The following DNAH7 variants were observed in gnomAD, a reference collection of about 807,000 sequenced individuals.
DNAH7 encodes axonemal beta dynein heavy chain 7.
Under a neutral mutation model 444.6 loss-of-function variants are expected in DNAH7, and 397 were observed. The observed-to-expected ratio is 0.89, with a 90% confidence interval of 0.82 to 0.97. The LOEUF is 0.97. Among genes scored for constraint, DNAH7 ranks in the 50% least tolerant of loss-of-function variants. The pLI, the probability that DNAH7 is intolerant of heterozygous loss-of-function variation, is 0.00. For synonymous variants in DNAH7, 1,636 were observed against 1,624.4 expected, an observed-to-expected ratio of 1.01 and a Z score of -0.17; for missense variants, 4,902 against 4,800.8, an observed-to-expected ratio of 1.02 and a Z score of -0.62.
intron 2 of DNAH7, among the ~76,000 whole-genome samples, chr2:196,055,714 C>T (rs1022400615): frequency 6.6e-6 from 1 of 152,184 alleles, no homozygotes; most frequent in Non-Finnish European, 1.5e-5. Context: ...GATGTCTAGT[C>T]CAAGTGCCCT....
chr2:195,867,848 G>C (rs1243558067), intron 40 of DNAH7, among the ~76,000 whole-genome samples: 1 of 152,040 alleles, frequency 6.6e-6, no homozygotes, highest in East Asian at 1.9e-4. Flanking sequence ...TATTTGGGTT[G>C]TTTCTACTTT....
chr2:196,028,734 CTG>C (rs1228296458), intron 5 of DNAH7, among the ~76,000 whole-genome samples: 3 of 152,154 alleles, frequency 2.0e-5, no homozygotes, highest in East Asian at 1.9e-4. Flanking sequence ...TTATAATTGA[CTG>C]TATCATTCTC....
intron 21 of DNAH7, among the ~76,000 whole-genome samples, chr2:195,930,837 T>A (rs1451412226): frequency 6.6e-6 from 1 of 152,144 alleles, no homozygotes; most frequent in Non-Finnish European, 1.5e-5. Context: ...TATAATACTA[T>A]GCAGCCACAA....
In DNAH7 at chr2:195,845,003, T is replaced by C. The variant is rs764664469; in HGVS notation, c.8944A>G (p.Met2982Val). The C allele has an allele frequency of 6.2e-6, 10 of 1,611,814 alleles. No homozygotes were observed. Among genetic ancestry groups the C allele is most frequent in the Admixed American group, 3.3e-5 (2 of 59,740 alleles). Residue 2982 changes from methionine to valine, a missense_variant and splice_region_variant, in exon 47 of 65, where the codon ATG becomes GTG. Physicochemically the swap from Met to Val is conservative, Grantham distance 21. Transcript: ENST00000312428. ...SFSIDNGIIIMNARRWPLMID... is the reference protein window; with the variant it reads ...SFSIDNGIIIVNARRWPLMID... ...TTGTGAGAAAAATATTTTTCTTACA[T>C]TATGATTATCCCATTATCAATGGAA...
rs1286420439 is a variant in DNAH7, at chr2:195,864,934, T to C, written c.6721A>G (p.Met2241Val). Residue 2241 changes from methionine to valine, a missense_variant, in exon 41 of 65, where the codon ATG becomes GTG. Coordinates refer to ENST00000312428, the MANE Select transcript of DNAH7 (RefSeq NM_018897.3). The stretch of plus-strand genomic sequence containing the variant: ...AAAAGCTCATGAAAATCTTCATACA[T>C]GTAGTTTCTCAAAATTTCTTGAATG... ...NYIQEILRNY[M>V]YEDFHELFQR... 3.7e-6 allele frequency: 6 copies of C among 1,611,676 alleles called. No individual in the cohort carries two copies. The highest frequency in any genetic ancestry group is 4.2e-6 in the Non-Finnish European group (5 of 1,179,992).
rs1444417615 is a variant in DNAH7 at position 195,864,615 on chromosome 2, C to T, written c.7040G>A (p.Arg2347Lys). ...GGCAGCTAATCTGGTGACAGACTGC[C>T]TTCCACTCCCTCCAACCCCTACTAG... ...ALLVGVGGSGRQSVTRLAAHM... is the reference protein window; with the variant it reads ...ALLVGVGGSGKQSVTRLAAHM... The change falls in exon 41 of 65, where the codon AGG becomes AAG. Residue 2347 changes from arginine (R) to lysine (K), a missense_variant. Transcript: ENST00000312428. The T allele has an allele frequency of 3.1e-6, 5 of 1,614,068 alleles. No individual in the cohort carries two copies. The highest frequency in any genetic ancestry group is 4.2e-6 in the Non-Finnish European group (5 of 1,180,054).
At chr2:196,019,713 A>G (rs1449031583) in intron 8 of DNAH7, among the ~76,000 whole-genome samples, 2 of 152,164 alleles carry the variant, frequency 1.3e-5, no homozygotes, top group East Asian at 3.8e-4. Flanking sequence ...TTTTTAAAAC[A>G]TTTTAAGGAT....
intron 55 of DNAH7, among the ~76,000 whole-genome samples, chr2:195,798,250 A>G (rs543197050): frequency 6.6e-6 from 1 of 152,294 alleles, no homozygotes; most frequent in African/African-American, 2.4e-5. Flanking sequence ...TATAATAGAG[A>G]TACCACCATC....
Position 195,817,241 on chromosome 2 carries a change from C to T in DNAH7, c.9426-278G>A, listed in dbSNP as rs567472630. Reference sequence around the variant, plus strand: ...TACTCTGCCATCAAGGATCTCAGCTCAGAGTGAATAGAAAGTAGCACTCCA... The same window carrying T: ...TACTCTGCCATCAAGGATCTCAGCTTAGAGTGAATAGAAAGTAGCACTCCA... On this transcript the variant is annotated intron_variant, in intron 50 of 64. Coordinates refer to ENST00000312428, the MANE Select transcript of DNAH7 (RefSeq NM_018897.3). Among the ~76,000 whole-genome samples, 32 of 152,276 alleles carry T rather than the reference C, an allele frequency of 2.1e-4. No individual in the cohort carries two copies. The South Asian group carries it at 5.0e-3, about 24-fold the overall frequency.
intron 3 of DNAH7, 110 bp from the exon 4 acceptor site, chr2:196,048,514 C>T: frequency 1.2e-6 from 1 of 840,596 alleles, no homozygotes. Context: ...CAGATCAGAA[C>T]ATCTGGATAG....
chr2:195,812,105 C>A (rs1235694327), intron 51 of DNAH7, among the ~76,000 whole-genome samples: 2 of 152,152 alleles, frequency 1.3e-5, no homozygotes, highest in African/African-American at 4.8e-5. Flanking sequence ...CTCTGGCAGT[C>A]CCCACCCAGA....
chr2:195,857,010 T>C (rs1699751915), intron 44 of DNAH7, among the ~76,000 whole-genome samples: 1 of 152,120 alleles, frequency 6.6e-6, no homozygotes, highest in South Asian at 2.1e-4. Context: ...TGTAAATTTA[T>C]AAAAAATAAA....
chr2:195,776,473 ATG>A (rs2105949643), intron 59 of DNAH7, among the ~76,000 whole-genome samples: 1 of 152,162 alleles, frequency 6.6e-6, no homozygotes, highest in South Asian at 2.1e-4. Context: ...AAAAAAAAGA[ATG>A]TATTTACAGA....
chr2:196,047,178 A>G (rs1222562517), intron 5 of DNAH7, among the ~76,000 whole-genome samples, 174 bp downstream of exon 5: 1 of 152,196 alleles, frequency 6.6e-6, no homozygotes, highest in Non-Finnish European at 1.5e-5. Flanking sequence ...TAGAAGTGGA[A>G]CACACTTAAC....
chr2:195,947,589 C>A (rs957808556), intron 19 of DNAH7, among the ~76,000 whole-genome samples: 7 of 152,022 alleles, frequency 4.6e-5, no homozygotes, highest in African/African-American at 1.7e-4. Flanking sequence ...TGATGGTTTC[C>A]AGCTTCATTC....
intron 9 of DNAH7, among the ~76,000 whole-genome samples, chr2:196,018,522 G>A (rs1435152367): frequency 2.0e-5 from 3 of 152,004 alleles, no homozygotes; most frequent in Admixed American, 6.6e-5. Context: ...TAAAATAAAT[G>A]TCCTTGGAAT....
intron 41 of DNAH7, among the ~76,000 whole-genome samples, chr2:195,862,512 T>C (rs1307967383): frequency 6.6e-6 from 1 of 152,096 alleles, no homozygotes; most frequent in East Asian, 1.9e-4. Context: ...AACCAAAGAC[T>C]TCCTAGAATT....
In DNAH7 at chr2:195,864,241, C is replaced by T. The variant is rs777054544; in HGVS notation, c.7414G>A (p.Val2472Ile). 6.8e-6 allele frequency: 11 copies of T among 1,614,070 alleles called. No individual in the cohort carries two copies. The South Asian group carries it at 1.2e-4, about 18-fold the overall frequency. Residue 2472 changes from valine (V) to isoleucine (I), a missense_variant, in exon 41 of 65, where the codon GTC becomes ATC. By Grantham distance (29) the Val-to-Ile change is conservative. Transcript: ENST00000312428. Reference sequence around the variant, plus strand: ...TCTCCAATGGGACTCATGGCAAGGACCACATGCAGTTGGCTGCGGCAATGA... The same window carrying T: ...TCTCCAATGGGACTCATGGCAAGGATCACATGCAGTTGGCTGCGGCAATGA... ...IDHCRSQLHVVLAMSPIGDAF... is the reference protein window; with the variant it reads ...IDHCRSQLHVILAMSPIGDAF...
intron 64 of DNAH7, 104 bp downstream of exon 64, chr2:195,740,660 CAT>C (rs1398780206): frequency 4.3e-4 from 72 of 167,488 alleles, no homozygotes; most frequent in Non-Finnish European, 5.5e-4. Context: ...TACACACACA[CAT>C]ATGTATACAC....
Sources: gnomAD v4.1 joint callset for allele counts (sites outside exome capture counted in the v4.1 genomes callset) on GRCh38, gnomAD v4.1.1 for gene constraint, MANE v1.5 for transcripts, NCBI Gene and HGNC (gene_info 2026-07-23, HGNC 2026-07-21) for gene names.